Variants in ARID4A observed in about 807,000 individuals in gnomAD.
ARID4A encodes AT-rich interactive domain-containing protein 4A.
Under a neutral mutation model 148.6 loss-of-function variants are expected in ARID4A, and 39 were observed. The observed-to-expected ratio is 0.26, with a 90% CI of 0.20 to 0.34. ARID4A has a LOEUF of 0.34. Ranked by LOEUF, ARID4A falls within the 10% of genes least tolerant of loss-of-function variation. ARID4A has a pLI of 1.00. For missense variants in ARID4A, 1,265 were observed against 1,449.1 expected, an observed-to-expected ratio of 0.87 and a Z score of 2.06; for synonymous variants, 475 against 481.2, an observed-to-expected ratio of 0.99 and a Z score of 0.17.
intron 1 of ARID4A, 62 bp from the exon 2 acceptor site, chr14:58,299,736 C>T (rs919439409): frequency 1.6e-5 from 22 of 1,413,896 alleles, no homozygotes; most frequent in African/African-American, 4.2e-5. Flanking sequence ...TACTTTCTTT[C>T]CCTTGGTCGC....
chr14:58,370,056 C>T (rs914534564), intron 23 of ARID4A: 4 of 152,200 alleles, frequency 2.6e-5, no homozygotes, highest in Non-Finnish European at 4.4e-5. Context: ...GACCATTGTG[C>T]TCCAAGTCCA....
chr14:58,330,938 G>A (rs767540226), intron 11 of ARID4A, among the ~76,000 whole-genome samples: 3 of 152,058 alleles, frequency 2.0e-5, no homozygotes, highest in African/African-American at 7.2e-5. Flanking sequence ...TGGTTGTTAC[G>A]GGGTAAAAGG....
chr14:58,329,377 T>C, intron 9 of ARID4A, 151 bp from the exon 10 acceptor site: 1 of 600,070 alleles, frequency 1.7e-6, no homozygotes, highest in Admixed American at 3.0e-5. Context: ...GTATTTCCTC[T>C]TCTTACCTTT....
Position 58,330,183 on chromosome 14 carries a change from C to G in ARID4A, c.906+14C>G, listed in dbSNP as rs370051976. On this transcript the variant is annotated intron_variant, in intron 11 of 23. Transcript: ENST00000355431. Reference sequence around the variant, plus strand: ...GAAGAAGAGGTGGTAGGTGTAATTTCATGTTTGTAACAAAAACATCTTAAT... The same window carrying G: ...GAAGAAGAGGTGGTAGGTGTAATTTGATGTTTGTAACAAAAACATCTTAAT... The G allele has an allele frequency of 6.2e-7, 1 of 1,602,354 alleles. No homozygotes were observed. Among genetic ancestry groups the G allele is most frequent in the Non-Finnish European group, 8.5e-7 (1 of 1,177,226 alleles).
intron 11 of ARID4A, 135 bp downstream of exon 11, chr14:58,330,304 T>C (rs564245112): frequency 7.7e-7 from 1 of 1,295,036 alleles, no homozygotes; most frequent in East Asian, 2.7e-5. Context: ...TTAATTTGGG[T>C]GTTGAGGAAG....
chr14:58,365,023 A>G lies in ARID4A; in HGVS notation c.2934A>G (p.Val978=). 1 of 1,614,168 alleles carries G rather than the reference A, an allele frequency of 6.2e-7. No homozygotes were observed. Among genetic ancestry groups the G allele is most frequent in the South Asian group, 1.1e-5 (1 of 91,086 alleles). ...AGGATAAGACCAGCATTGAGGATGT[A>G]GCAGTTGAAAGCTCTGAGTCTAACT... ...DEKDKTSIED[V]AVESSESNSL... Residue 978 remains valine (V), a synonymous_variant, in exon 20 of 24, where the codon GTA becomes GTG. Coordinates refer to ENST00000355431, the MANE Select transcript of ARID4A (RefSeq NM_002892.4).
chr14:58,353,822 T>C lies in ARID4A; in HGVS notation c.1820T>C (p.Leu607Ser), dbSNP rs1331352403. The C allele has an allele frequency of 6.2e-7, 1 of 1,613,842 alleles. No individual in the cohort carries two copies. The change falls in exon 17 of 24, where the codon TTA (leucine) becomes TCA (serine). Residue 607 changes from leucine to serine, a missense_variant. Around this residue, in one of 9 missense-constraint regions of ARID4A, gnomAD observed 30 missense variants for 65.7 expected, o/e 0.46. Transcript: ENST00000355431. The stretch of plus-strand genomic sequence containing the variant: ...ACTGAAATTGATGACGGAGAAGTTT[T>C]ATATTTGGTACATTACTATGGATGG... ...KSTEIDDGEVLYLVHYYGWNV... is the reference protein window; with the variant it reads ...KSTEIDDGEVSYLVHYYGWNV...
chr14:58,347,580 T>G, intron 14 of ARID4A, 67 bp from the exon 15 acceptor site: 1 of 1,253,892 alleles, frequency 8.0e-7, no homozygotes, highest in African/African-American at 1.5e-5. Context: ...AAAATGTGTT[T>G]AATAACATGA....
At chr14:58,302,623 A>G (rs2031271905) in intron 3 of ARID4A, among the ~76,000 whole-genome samples, 1 of 152,102 alleles carries the variant, frequency 6.6e-6, no homozygotes, top group South Asian at 2.1e-4. Flanking sequence ...ACACCACTGC[A>G]CTCCAGCCTG....
intron 4 of ARID4A, 149 bp downstream of exon 4, chr14:58,305,158 T>G: frequency 1.7e-6 from 1 of 605,320 alleles, no homozygotes; most frequent in Non-Finnish European, 2.8e-6. Context: ...TTAGTATAAA[T>G]TGTGATATTG....
chr14:58,341,577 A>G (rs1321713477), intron 11 of ARID4A, among the ~76,000 whole-genome samples: 1 of 152,234 alleles, frequency 6.6e-6, no homozygotes, highest in Non-Finnish European at 1.5e-5. Context: ...CCAAACTCAG[A>G]GCAGCAAAAA....
intron 5 of ARID4A, among the ~76,000 whole-genome samples, chr14:58,306,487 A>C (rs1028939831): frequency 2.0e-5 from 3 of 152,236 alleles, no homozygotes; most frequent in African/African-American, 7.2e-5. Context: ...GTTGCCAGAC[A>C]ATTTACAGAT....
chr14:58,365,299 G>T lies in ARID4A; in HGVS notation c.3210G>T (p.Lys1070Asn). Residue 1070 changes from lysine (K) to asparagine (N), a missense_variant and splice_region_variant, in exon 20 of 24, where the codon AAG (lysine) becomes AAT (asparagine). Around this residue, in one of 9 missense-constraint regions of ARID4A, gnomAD observed 666 missense variants for 730.9 expected, o/e 0.91. Transcript: ENST00000355431. ...TACAAGAGAGAGAGAGCAGAGAGAA[G>T]GGTAAGGACTTTCTAGGGAAAAGTA... ...IIVQERESRE[K>N]GQKRPSDGNS... 6.2e-7 allele frequency: 1 copy of T among 1,600,988 alleles called. No homozygotes were observed. The highest frequency in any genetic ancestry group is 1.1e-5 in the South Asian group (1 of 88,908).
At chr14:58,299,682 C>G (rs1458222540) in intron 1 of ARID4A, 116 bp from the exon 2 acceptor site, 2 of 851,736 alleles carry the variant, frequency 2.3e-6, no homozygotes, top group East Asian at 2.5e-5. Flanking sequence ...GGGGTCTTGT[C>G]CCTTGGCTGG....
chr14:58,328,182 C>G, intron 8 of ARID4A, 55 bp from the exon 9 acceptor site: 2 of 1,277,892 alleles, frequency 1.6e-6, no homozygotes, highest in African/African-American at 1.5e-5. Context: ...TTGAAAAATA[C>G]TGTTTTTCTG....
intron 19 of ARID4A, among the ~76,000 whole-genome samples, chr14:58,361,357 A>G (rs1375111486): frequency 1.3e-5 from 2 of 152,124 alleles, no homozygotes; most frequent in Non-Finnish European, 2.9e-5. Context: ...ATTTTATACC[A>G]TATTTTTAAT....
intron 11 of ARID4A, among the ~76,000 whole-genome samples, chr14:58,341,206 A>G (rs1337729976): frequency 6.6e-6 from 1 of 152,160 alleles, no homozygotes; most frequent in African/African-American, 2.4e-5. Context: ...CTTCCAATCC[A>G]TCAAACTCAT....
In ARID4A at chr14:58,323,620, A is replaced by G; in HGVS notation, c.582+3A>G. 1 of 1,611,464 alleles carries G rather than the reference A, an allele frequency of 6.2e-7. No individual in the cohort carries two copies. The highest frequency in any genetic ancestry group is 8.5e-7 in the Non-Finnish European group (1 of 1,178,480). On this transcript the variant is annotated splice_donor_region_variant and intron_variant, in intron 8 of 23. Coordinates refer to ENST00000355431, the MANE Select transcript of ARID4A (RefSeq NM_002892.4). The stretch of plus-strand genomic sequence containing the variant: ...GGACTGAATGGTATCCTGCTTTGGT[A>G]AGTAAAGTTTCTTTGCAGAGTTAAT...
Position 58,372,167 on chromosome 14 carries a change from AAG to A in ARID4A, c.*179_*180del. ...CTTCTTTTTTCTTGTTGCAAAAAAT[AAG>A]CTGATTAATAAGTGAAGGTTAAGCA... On this transcript the variant is annotated 3_prime_UTR_variant, in exon 24 of 24. Coordinates refer to ENST00000355431, the MANE Select transcript of ARID4A (RefSeq NM_002892.4). 2 of 519,466 alleles carry A rather than the reference AAG, an allele frequency of 3.9e-6. No homozygotes were observed. Among genetic ancestry groups the A allele is most frequent in the East Asian group, 3.1e-5 (1 of 31,942 alleles). 32.2% of individuals were successfully genotyped at this position (519,466 alleles called of 1,614,324 possible).
Sources: gnomAD v4.1 joint callset for allele counts (sites outside exome capture counted in the v4.1 genomes callset) on GRCh38, gnomAD v4.1.1 for gene constraint, gnomAD v4.1.1 regional missense constraint, MANE v1.5 for transcripts, NCBI Gene and HGNC (gene_info 2026-07-23, HGNC 2026-07-21) for gene names.